The following FLVCR1 variants were observed in gnomAD, a reference collection of about 807,000 sequenced individuals.
The protein encoded by FLVCR1 is choline/ethanolamine transporter FLVCR1.
Under a neutral mutation model 53.6 loss-of-function variants are expected in FLVCR1, and 34 were observed. That is an observed-to-expected ratio of 0.63 (90% CI 0.48 to 0.84). The LOEUF (loss-of-function observed/expected upper bound fraction) is 0.84, where lower values mean the gene tolerates loss of function less well. Among genes scored for constraint, FLVCR1 ranks in the 40% least tolerant of loss-of-function variants. The pLI, the probability that FLVCR1 is intolerant of heterozygous loss-of-function variation, is 0.00. For synonymous variants in FLVCR1, 300 were observed against 286.3 expected (o/e 1.05, Z -0.48); for missense variants, 677 against 696.7 (o/e 0.97, Z 0.32).
At position 212,897,046 on chromosome 1, in the gene FLVCR1, GTAATCCCAGCTACTCAGGAGGC is replaced by G. The variant is rs71147045; in HGVS notation, c.*1758_*1779del. 59,370 of 150,970 alleles carry G rather than the reference GTAATCCCAGCTACTCAGGAGGC, an allele frequency of 0.39. 13,173 individuals carry two copies. Among genetic ancestry groups the G allele is most frequent in the South Asian group, 0.52 (2,483 of 4,782 alleles). 9.4% of individuals were successfully genotyped at this position (150,970 alleles called of 1,614,324 possible). A position where few individuals can be genotyped will look rare whatever the true frequency, so the allele number is the denominator to read the frequency against. On this transcript the variant is annotated 3_prime_UTR_variant, in exon 10 of 10. Coordinates refer to ENST00000366971, the MANE Select transcript of FLVCR1 (RefSeq NM_014053.4). ...AAAATTAGCGCAGTGGCAGGCGCCT[GTAATCCCAGCTACTCAGGAGGC>G]TGAGGCAGGAGAATCGCTTGAATGC...
intron 8 of FLVCR1, among the ~76,000 whole-genome samples, chr1:212,889,981 C>T (rs769159276): frequency 6.6e-6 from 1 of 150,980 alleles, no homozygotes; most frequent in East Asian, 1.9e-4. Context: ...GCACCTGGGA[C>T]GTGCCTAACA....
intron 5 of FLVCR1, 130 bp from the exon 6 acceptor site, chr1:212,887,761 A>T: frequency 1.6e-6 from 1 of 617,448 alleles, no homozygotes. Context: ...TGGTGGATAC[A>T]TATTTCCATG....
chr1:212,879,950 T>C (rs1421545608), intron 3 of FLVCR1, among the ~76,000 whole-genome samples: 1 of 150,406 alleles, frequency 6.6e-6, no homozygotes, highest in East Asian at 2.0e-4. Context: ...TTAGATACCA[T>C]ACTCTAGGTT....
At chr1:212,894,493 T>A (rs1665283438) in intron 8 of FLVCR1, among the ~76,000 whole-genome samples, 1 of 152,316 alleles carries the variant, frequency 6.6e-6, no homozygotes, top group Admixed American at 6.5e-5. Flanking sequence ...GAACCCACAA[T>A]GTCTCTGAGA....
chr1:212,889,357 T>TTC, intron 8 of FLVCR1, 100 bp downstream of exon 8: 1 of 775,902 alleles, frequency 1.3e-6, no homozygotes, highest in Admixed American at 1.9e-5. Flanking sequence ...GGGAAAAAAA[T>TTC]GAGATAAAAA....
chr1:212,876,184 C>A (rs545323151), intron 3 of FLVCR1, among the ~76,000 whole-genome samples: 5 of 152,056 alleles, frequency 3.3e-5, no homozygotes, highest in Non-Finnish European at 7.4e-5. Flanking sequence ...CTTCCTCCCC[C>A]AAACCCCAAA....
rs374012803 is a variant in FLVCR1, at chr1:212,874,030, G to A, written c.1024+1212G>A. ...TTCCTGGAATGTATTTTTTTAAGACGGAGTTTTGCTCTTGTTGCCCAGACT... is the reference window on the plus strand; with the variant it reads ...TTCCTGGAATGTATTTTTTTAAGACAGAGTTTTGCTCTTGTTGCCCAGACT... On this transcript the variant is annotated intron_variant, in intron 3 of 9. Transcript: ENST00000366971. Among the ~76,000 whole-genome samples the A allele has an allele frequency of 1.8e-4, 28 of 151,920 alleles. 1 individual carries two copies. The East Asian group carries it at 2.7e-3, about 15-fold the overall frequency.
rs1454175112 is a variant in FLVCR1, at chr1:212,883,400, T to C, written c.1054T>C (p.Ser352Pro). The C allele has an allele frequency of 6.3e-7, 1 of 1,580,782 alleles. No individual in the cohort carries two copies. Among genetic ancestry groups the C allele is most frequent in the Non-Finnish European group, 8.7e-7 (1 of 1,151,716 alleles). ...CATGACTGGTGCCTTTTATTCAGTC[T>C]CAACGTTATTAAATCAAATGATATT... Reference protein sequence around the residue: ...GIMTGAFYSVSTLLNQMILTY... With the variant: ...GIMTGAFYSVPTLLNQMILTY... The change falls in exon 4 of 10, where the codon TCA becomes CCA. Residue 352 changes from serine (S) to proline (P), a missense_variant. By Grantham distance (74) the Ser-to-Pro change is moderately conservative (BLOSUM62 -1). Transcript: ENST00000366971.
chr1:212,896,628 T>C lies in FLVCR1; in HGVS notation c.*1338T>C, dbSNP rs1200522912. On this transcript the variant is annotated 3_prime_UTR_variant, in exon 10 of 10. Coordinates refer to ENST00000366971, the MANE Select transcript of FLVCR1 (RefSeq NM_014053.4). ...AGCCATAAAATTTACATTATGTTCA[T>C]ATGCACCCAAAAAAGCTAGTCAGGT... The C allele has an allele frequency of 6.6e-6, 1 of 152,034 alleles. No homozygotes were observed. Among genetic ancestry groups the C allele is most frequent in the African/African-American group, 2.4e-5 (1 of 41,416 alleles). The allele number at this position is 152,034 out of a possible 1,614,324, so 9.4% of individuals were successfully genotyped here.
intron 3 of FLVCR1, among the ~76,000 whole-genome samples, chr1:212,874,805 G>A (rs957874144): frequency 5.9e-5 from 9 of 151,944 alleles, no homozygotes; most frequent in African/African-American, 1.7e-4. Flanking sequence ...GGGATTACAG[G>A]CGTGAGCCAC....
At chr1:212,891,422 G>T (rs796176561) in intron 8 of FLVCR1, among the ~76,000 whole-genome samples, 1 of 147,492 alleles carries the variant, frequency 6.8e-6, no homozygotes, top group South Asian at 2.3e-4. Flanking sequence ...TCCAGCCTGG[G>T]TGACAAAGTG....
intron 7 of FLVCR1, 29 bp from the exon 8 acceptor site, chr1:212,889,117 A>G: frequency 7.1e-7 from 1 of 1,416,244 alleles, no homozygotes; most frequent in Non-Finnish European, 1.0e-6. Context: ...TTAACTTAAT[A>G]ACGAATGATT....
At chr1:212,887,694 G>A (rs558796418) in intron 5 of FLVCR1, among the ~76,000 whole-genome samples, 197 bp from the exon 6 acceptor site, 9 of 152,028 alleles carry the variant, frequency 5.9e-5, no homozygotes, top group African/African-American at 2.2e-4. Flanking sequence ...ATTCGATATG[G>A]TGTGGTTTTC....
intron 2 of FLVCR1, among the ~76,000 whole-genome samples, chr1:212,865,875 G>T (rs975282334): frequency 7.0e-6 from 1 of 143,406 alleles, no homozygotes; most frequent in Non-Finnish European, 1.5e-5. Flanking sequence ...GAGGGCAGTG[G>T]CGCTATCTGG....
intron 3 of FLVCR1, among the ~76,000 whole-genome samples, chr1:212,879,849 A>C (rs1218205687): frequency 1.4e-4 from 21 of 150,366 alleles, no homozygotes; most frequent in Non-Finnish European, 3.0e-4. Flanking sequence ...GAGCCACCAC[A>C]CCCGGCCAAA....
At chr1:212,882,925 T>A (rs1422162400) in intron 3 of FLVCR1, among the ~76,000 whole-genome samples, 1 of 152,194 alleles carries the variant, frequency 6.6e-6, no homozygotes, top group Non-Finnish European at 1.5e-5. Flanking sequence ...ACTGATTTTG[T>A]CTTATGAATT....
At chr1:212,884,939 C>G (rs1045465551) in intron 4 of FLVCR1, among the ~76,000 whole-genome samples, 2 of 152,134 alleles carry the variant, frequency 1.3e-5, no homozygotes, top group Non-Finnish European at 2.9e-5. Context: ...CTTACAGGAT[C>G]ATACTGTATA....
intron 3 of FLVCR1, among the ~76,000 whole-genome samples, chr1:212,881,908 G>A (rs1466392065): frequency 2.0e-5 from 3 of 152,192 alleles, no homozygotes; most frequent in Non-Finnish European, 2.9e-5. Context: ...GTGTCTGTGT[G>A]TATTGTTCTT....
Position 212,885,675 on chromosome 1 carries a change from C to A in FLVCR1, c.1196+279C>A, listed in dbSNP as rs1038481385. On this transcript the variant is annotated intron_variant, in intron 5 of 9. Coordinates refer to ENST00000366971, the MANE Select transcript of FLVCR1 (RefSeq NM_014053.4). ...ACGCCATTTTCCTGCCTCAGCCTCC[C>A]GAGTAGCTGGGACTACAGGCACCCG... is the stretch of plus-strand genomic sequence containing the variant. The A allele has an allele frequency of 6.6e-6, 2 of 301,180 alleles. 1 individual carries two copies. The highest frequency in any genetic ancestry group is 7.5e-5 in the South Asian group (2 of 26,660). 18.7% of individuals were successfully genotyped at this position (301,180 alleles called of 1,614,324 possible). A position where few individuals can be genotyped will look rare whatever the true frequency, so the allele number is the denominator to read the frequency against.
Sources: gnomAD v4.1 joint callset for allele counts (sites outside exome capture counted in the v4.1 genomes callset) on GRCh38, gnomAD v4.1.1 for gene constraint, MANE v1.5 for transcripts, NCBI Gene and HGNC (gene_info 2026-07-23, HGNC 2026-07-21) for gene names.